RBFOX1: variants seen among roughly 807,000 people sequenced by gnomAD.
The protein encoded by RBFOX1 is RNA binding protein fox-1 homolog 1.
RBFOX1 carries 8 observed loss-of-function variants against 57.7 expected under a neutral mutation model. The observed-to-expected ratio is 0.14, with a 90% confidence interval of 0.08 to 0.25. RBFOX1 has a LOEUF of 0.25. RBFOX1 is among the 10% of genes least tolerant of loss of function. The pLI is 1.00. For missense variants in RBFOX1, 611 were observed against 548.5 expected (o/e 1.11, Z -1.14); for synonymous variants, 326 against 222.4 (o/e 1.47, Z -4.15).
intron 4 of RBFOX1, among the ~76,000 whole-genome samples, chr16:7,097,156 T>A (rs1454232977): frequency 6.6e-6 from 1 of 152,098 alleles, no homozygotes; most frequent in Non-Finnish European, 1.5e-5. Context: ...AATGGTGACT[T>A]CGAGCAAGAC....
chr16:5,971,380 A>T (rs2059958980), intron 4 of RBFOX1, among the ~76,000 whole-genome samples: 1 of 152,226 alleles, frequency 6.6e-6, no homozygotes, highest in Non-Finnish European at 1.5e-5. Flanking sequence ...GGTGGTAAAT[A>T]AGATATGCTG....
In RBFOX1 at chr16:7,032,228, C is replaced by G. The variant is rs144871444; in HGVS notation, c.-15-19829C>G. On this transcript the variant is annotated intron_variant, in intron 3 of 15. Coordinates refer to ENST00000550418, the MANE Select transcript of RBFOX1 (RefSeq NM_018723.4). ...TCGCTTGAGGTCAGGAGTTCGAGAC[C>G]AGACTGACCAACATGGTGAAACCCC... is the stretch of plus-strand genomic sequence containing the variant. Among the ~76,000 whole-genome samples, 140 of 152,098 alleles carry G rather than the reference C, an allele frequency of 9.2e-4. 1 individual carries two copies. The highest frequency in any genetic ancestry group is 4.8e-3 in the South Asian group (23 of 4,808).
chr16:7,645,955 T>C (rs2063660360), intron 11 of RBFOX1, among the ~76,000 whole-genome samples: 1 of 104,256 alleles, frequency 9.6e-6, no homozygotes, highest in South Asian at 2.8e-4. Context: ...CCACCCACCT[T>C]TTTTTTTTTT....
chr16:5,335,102 C>G (rs989005323), intron 1 of RBFOX1, among the ~76,000 whole-genome samples: 5 of 152,138 alleles, frequency 3.3e-5, no homozygotes, highest in Non-Finnish European at 5.9e-5. Flanking sequence ...GTGCCTCTTC[C>G]TTCACAATGT....
intron 1 of RBFOX1, among the ~76,000 whole-genome samples, chr16:6,036,575 A>T (rs1489730486): frequency 2.0e-5 from 3 of 150,860 alleles, no homozygotes; most frequent in Non-Finnish European, 2.9e-5. Context: ...ATAATCTTGG[A>T]AAGAAAAGGC....
At chr16:7,282,739 C>G (rs564099423) in intron 4 of RBFOX1, among the ~76,000 whole-genome samples, 34 of 152,288 alleles carry the variant, frequency 2.2e-4, no homozygotes, top group Non-Finnish European at 4.1e-4. Flanking sequence ...CCTTCCCACC[C>G]TTTCTCCCTG....
chr16:7,016,644 C>T (rs1055378250), intron 3 of RBFOX1, among the ~76,000 whole-genome samples: 5 of 152,268 alleles, frequency 3.3e-5, no homozygotes, highest in Admixed American at 6.5e-5. Flanking sequence ...GCGTGATACA[C>T]GATGCAAAAC....
In RBFOX1 at chr16:5,350,048, C is replaced by T. The variant is rs567627198; in HGVS notation, c.219+109943C>T. Among the ~76,000 whole-genome samples, 59 of 152,338 alleles carry T rather than the reference C, an allele frequency of 3.9e-4. 1 individual carries two copies. In the South Asian group the frequency reaches 6.8e-3, roughly 18 times the overall value. On this transcript the variant is annotated intron_variant, in intron 1 of 2. Transcript: ENST00000585867. ...TGTAATTTGGCTTTAATAGAACTGGCGCTTGCGTGAGAGGAAATGAAAGCC... is the reference window on the plus strand; with the variant it reads ...TGTAATTTGGCTTTAATAGAACTGGTGCTTGCGTGAGAGGAAATGAAAGCC...
At chr16:7,509,908 T>G (rs1047309092) in intron 4 of RBFOX1, among the ~76,000 whole-genome samples, 6 of 152,062 alleles carry the variant, frequency 3.9e-5, no homozygotes, top group Non-Finnish European at 8.8e-5. Context: ...CTCCAGGCGA[T>G]GCATAGAATC....
chr16:5,329,943 A>G (rs1224562653), intron 1 of RBFOX1, among the ~76,000 whole-genome samples: 1 of 150,202 alleles, frequency 6.7e-6, no homozygotes, highest in Non-Finnish European at 1.5e-5. Flanking sequence ...AGTTCATGCC[A>G]CTGCACTCCA....
In RBFOX1 at chr16:5,921,140, C is replaced by G. The variant is rs142746786; in HGVS notation, c.351+53805C>G. 3.9e-5 allele frequency among the ~76,000 whole-genome samples: 6 copies of G among 152,280 alleles called. No homozygotes were observed. The East Asian group carries it at 1.2e-3, about 29-fold the overall frequency. Reference sequence around the variant, plus strand: ...GTTAGGATATAGGTATCATGCTAGGCACCCCAGAGAATGCTAAGGCCATAG... The same window carrying G: ...GTTAGGATATAGGTATCATGCTAGGGACCCCAGAGAATGCTAAGGCCATAG... On this transcript the variant is annotated intron_variant, in intron 4 of 19. Coordinates refer to the RBFOX1 transcript ENST00000641259.
intron 5 of RBFOX1, among the ~76,000 whole-genome samples, chr16:7,575,399 C>T (rs2093234340): frequency 6.6e-6 from 1 of 152,116 alleles, no homozygotes; most frequent in Non-Finnish European, 1.5e-5. Context: ...TCCCAAAGTG[C>T]TGGGATTATA....
chr16:6,433,068 G>C lies in RBFOX1; in HGVS notation c.-64+116011G>C, dbSNP rs1048524327. 3.3e-5 allele frequency among the ~76,000 whole-genome samples: 5 copies of C among 152,202 alleles called. No homozygotes were observed. The South Asian group carries it at 6.2e-4, about 19-fold the overall frequency. On this transcript the variant is annotated intron_variant, in intron 2 of 15. Coordinates refer to ENST00000550418, the MANE Select transcript of RBFOX1 (RefSeq NM_018723.4). ...ATGCCATCCTTCGGGCTGTTGATTT[G>C]GGAACAGAGAGAAAGTCAGGGGAGA...
chr16:7,030,500 T>G (rs1365812523), intron 3 of RBFOX1, among the ~76,000 whole-genome samples: 1 of 152,160 alleles, frequency 6.6e-6, no homozygotes, highest in South Asian at 2.1e-4. Flanking sequence ...CACCTTCCAG[T>G]GGCTCCAGGC....
intron 1 of RBFOX1, among the ~76,000 whole-genome samples, chr16:5,253,096 T>G (rs1323056127): frequency 6.6e-6 from 1 of 152,216 alleles, no homozygotes; most frequent in East Asian, 1.9e-4. Context: ...AGGCTCAGCT[T>G]TGGAAGAAAG....
At chr16:7,360,617 C>G (rs959017125) in intron 4 of RBFOX1, among the ~76,000 whole-genome samples, 2 of 152,136 alleles carry the variant, frequency 1.3e-5, no homozygotes, top group Non-Finnish European at 2.9e-5. Context: ...ACAACAAAGG[C>G]AAAGGAATTA....
rs1441957256 is a variant in RBFOX1, at chr16:6,410,356, G to T, written c.-64+93299G>T. Among the ~76,000 whole-genome samples the T allele has an allele frequency of 5.1e-5, 7 of 137,020 alleles. No homozygotes were observed. In the East Asian group the frequency reaches 1.5e-3, roughly 30 times the overall value. The allele number at this position is 137,020 out of a possible 152,430, so 89.9% of individuals were successfully genotyped here. A position where few individuals can be genotyped will look rare whatever the true frequency, so the allele number is the denominator to read the frequency against. On this transcript the variant is annotated intron_variant, in intron 2 of 15. Coordinates refer to ENST00000550418, the MANE Select transcript of RBFOX1 (RefSeq NM_018723.4). ...AGAGTCTTGCTCTGTTGCCCAGGCTGGAGGGAGGGCAGTGGCGCGAACTTG... is the reference window on the plus strand; with the variant it reads ...AGAGTCTTGCTCTGTTGCCCAGGCTTGAGGGAGGGCAGTGGCGCGAACTTG...
chr16:5,944,193 A>C lies in RBFOX1; in HGVS notation c.351+76858A>C, dbSNP rs75475221. On this transcript the variant is annotated intron_variant, in intron 4 of 19. Transcript: ENST00000641259. ...TAATGACCTCAACGATGTGTGAACA[A>C]TGATAAGATTGAGTTCTGAAGGAAA... 4.3e-4 allele frequency among the ~76,000 whole-genome samples: 66 copies of C among 152,328 alleles called. No homozygotes were observed. The East Asian group carries it at 0.012, about 29-fold the overall frequency.
At chr16:7,705,666 ATTAGAT>A (rs1030790930) in intron 14 of RBFOX1, among the ~76,000 whole-genome samples, 11 of 152,158 alleles carry the variant, frequency 7.2e-5, no homozygotes, top group Non-Finnish European at 1.0e-4. Flanking sequence ...GAGTCATAGG[ATTAGAT>A]TTATATTTAA....
Sources: gnomAD v4.1 joint callset for allele counts (sites outside exome capture counted in the v4.1 genomes callset) on GRCh38, gnomAD v4.1.1 for gene constraint, MANE v1.5 for transcripts, NCBI Gene and HGNC (gene_info 2026-07-23, HGNC 2026-07-21) for gene names.